Variants in TULP3 observed in about 807,000 individuals in gnomAD.
TULP3 encodes the protein TUB like protein 3, also known as tubby-related protein 3.
In TULP3, 38 loss-of-function variants were observed where a neutral mutation model predicts 50.7. The observed-to-expected ratio is 0.75, with a 90% CI of 0.58 to 0.98. TULP3 has a LOEUF of 0.98. Ranked by LOEUF, TULP3 falls within the 50% of genes least tolerant of loss-of-function variation. The pLI is 0.00. For missense variants in TULP3, 550 were observed against 568.0 expected, an observed-to-expected ratio of 0.97 and a Z score of 0.32; for synonymous variants, 183 against 196.6, an observed-to-expected ratio of 0.93 and a Z score of 0.58.
chr12:2,928,715 G>C (rs2098196071), intron 4 of TULP3, among the ~76,000 whole-genome samples: 1 of 151,874 alleles, frequency 6.6e-6, no homozygotes, highest in South Asian at 2.1e-4. Context: ...GGCCAAGGTG[G>C]GCAGATCACC....
intron 1 of TULP3, among the ~76,000 whole-genome samples, chr12:2,898,838 C>G (rs544163718): frequency 3.5e-5 from 5 of 142,646 alleles, no homozygotes; most frequent in African/African-American, 1.1e-4. Flanking sequence ...CACCACCACA[C>G]CTGGCTAATT....
At chr12:2,904,814 C>T (rs555039845) in intron 1 of TULP3, among the ~76,000 whole-genome samples, 19 of 152,086 alleles carry the variant, frequency 1.2e-4, no homozygotes, top group Admixed American at 9.2e-4. Flanking sequence ...AGAATATTAA[C>T]ACAGGCCGGG....
In TULP3 at chr12:2,939,184, T is replaced by A; in HGVS notation, c.1196-127T>A. 3.8e-6 allele frequency: 4 copies of A among 1,039,750 alleles called. No homozygotes were observed. Among genetic ancestry groups the A allele is most frequent in the Non-Finnish European group, 5.6e-6 (4 of 708,316 alleles). The allele number at this position is 1,039,750 out of a possible 1,614,324, so 64.4% of individuals were successfully genotyped here. On this transcript the variant is annotated intron_variant, in intron 10 of 10. Coordinates refer to ENST00000448120, the MANE Select transcript of TULP3 (RefSeq NM_003324.5). The surrounding 1 kb of genome is among the most constrained non-coding windows in gnomAD (Gnocchi z 4.0). ...AGGTCAAGGCTGCAGTGAGCTGTGGTCATTCCACTAGGCTCCAGCCAGGGC... is the reference window on the plus strand; with the variant it reads ...AGGTCAAGGCTGCAGTGAGCTGTGGACATTCCACTAGGCTCCAGCCAGGGC...
At chr12:2,902,429 A>G (rs1025520943) in intron 1 of TULP3, among the ~76,000 whole-genome samples, 12 of 152,180 alleles carry the variant, frequency 7.9e-5, no homozygotes, top group African/African-American at 2.9e-4. Context: ...CTCCAGTACC[A>G]CAGAAGGAGC....
intron 2 of TULP3, among the ~76,000 whole-genome samples, chr12:2,915,340 T>G (rs2098188003): frequency 6.6e-6 from 1 of 152,140 alleles, no homozygotes; most frequent in South Asian, 2.1e-4. Context: ...TGGATGCATA[T>G]TAGGTAGAGT....
chr12:2,911,416 A>G (rs1264312441), intron 2 of TULP3, among the ~76,000 whole-genome samples: 1 of 151,440 alleles, frequency 6.6e-6, no homozygotes, highest in Non-Finnish European at 1.5e-5. Context: ...GCAGTGGCGC[A>G]ATCTTGCCTC....
intron 1 of TULP3, 28 bp downstream of exon 1, chr12:2,891,016 C>T (rs1213477609): frequency 1.3e-6 from 2 of 1,555,700 alleles, no homozygotes; most frequent in African/African-American, 2.7e-5. Context: ...CAGGTCTCCT[C>T]CTGAGCGAGG....
chr12:2,936,966 C>T lies in TULP3; in HGVS notation c.925-665C>T, dbSNP rs187119293. Among the ~76,000 whole-genome samples, 199 of 151,274 alleles carry T rather than the reference C, an allele frequency of 1.3e-3. 1 individual carries two copies. Among genetic ancestry groups the T allele is most frequent in the African/African-American group, 4.8e-3 (197 of 41,236 alleles). On this transcript the variant is annotated intron_variant, in intron 8 of 10. Transcript: ENST00000448120. ...ACTAAAAATACAAAAAATAATTAGC[C>T]AGGCGTGGTGGCATGCGCCTGTAGT...
chr12:2,908,676 T>G (rs974425352), intron 1 of TULP3, among the ~76,000 whole-genome samples: 29 of 152,150 alleles, frequency 1.9e-4, no homozygotes, highest in African/African-American at 6.8e-4. Flanking sequence ...TGCCTTGACC[T>G]CCCAAAGTGC....
chr12:2,936,781 A>C (rs61916379), intron 8 of TULP3, among the ~76,000 whole-genome samples: 25,263 of 150,830 alleles, frequency 0.17, 2,412 homozygotes, highest in South Asian at 0.26. Flanking sequence ...TAAACTCTCA[A>C]GCCAAGAGAT....
intron 2 of TULP3, among the ~76,000 whole-genome samples, chr12:2,915,780 G>A (rs367818331): frequency 3.9e-5 from 6 of 151,904 alleles, no homozygotes; most frequent in East Asian, 1.9e-4. Flanking sequence ...CTTTGACCTC[G>A]TGATCTGCCC....
chr12:2,936,840 G>C (rs2098201551), intron 8 of TULP3, among the ~76,000 whole-genome samples: 1 of 152,094 alleles, frequency 6.6e-6, no homozygotes, highest in South Asian at 2.1e-4. Context: ...AGGTGCAGTG[G>C]CTCACGCCTG....
At chr12:2,927,240 A>G (rs949051946) in intron 4 of TULP3, among the ~76,000 whole-genome samples, 5 of 152,040 alleles carry the variant, frequency 3.3e-5, no homozygotes, top group African/African-American at 7.2e-5. Context: ...ACTCCATTGT[A>G]TGGATAAACC....
rs767616728 is a variant in TULP3 at position 2,891,020 on chromosome 12, A to G, written c.41+32A>G. The G allele has an allele frequency of 1.7e-5, 27 of 1,544,756 alleles. No individual in the cohort carries two copies. In the South Asian group the frequency reaches 3.1e-4, roughly 18 times the overall value. On this transcript the variant is annotated intron_variant, in intron 1 of 10. Coordinates refer to ENST00000448120, the MANE Select transcript of TULP3 (RefSeq NM_003324.5). ...CAGGGCCGTGGCAGGTCTCCTCCTGAGCGAGGCGGAGGGGCGAAGCGAGAA... is the reference window on the plus strand; with the variant it reads ...CAGGGCCGTGGCAGGTCTCCTCCTGGGCGAGGCGGAGGGGCGAAGCGAGAA...
chr12:2,917,674 G>A (rs1040370358), intron 2 of TULP3, among the ~76,000 whole-genome samples: 6 of 151,990 alleles, frequency 3.9e-5, no homozygotes, highest in Middle Eastern at 6.8e-3. Context: ...TCAGGAGATC[G>A]AGACCATCCT....
At chr12:2,927,154 T>C (rs536616996) in intron 4 of TULP3, among the ~76,000 whole-genome samples, 1 of 152,308 alleles carries the variant, frequency 6.6e-6, no homozygotes, top group East Asian at 1.9e-4. Context: ...TCTAGTGTTT[T>C]ACTTGCATAA....
chr12:2,914,196 C>G (rs2098187333), intron 2 of TULP3, among the ~76,000 whole-genome samples: 1 of 142,968 alleles, frequency 7.0e-6, no homozygotes, highest in South Asian at 2.2e-4. Flanking sequence ...GCAATCTTGG[C>G]TCACTGCAAC....
chr12:2,938,409 T>G (rs1010297092), intron 10 of TULP3, 124 bp downstream of exon 10: 25 of 1,163,664 alleles, frequency 2.1e-5, no homozygotes, highest in Non-Finnish European at 3.0e-5. Flanking sequence ...AGAGACAGGA[T>G]TTCTTTGGAA....
At chr12:2,923,848 C>T (rs943256366) in intron 4 of TULP3, among the ~76,000 whole-genome samples, 7 of 149,810 alleles carry the variant, frequency 4.7e-5, no homozygotes, top group African/African-American at 1.5e-4. Flanking sequence ...GGTGCAGTGG[C>T]GCACACCTGT....
Sources: allele counts gnomAD v4.1 joint callset (sites outside exome capture counted in the v4.1 genomes callset), GRCh38; gene constraint gnomAD v4.1.1; non-coding constraint Gnocchi (gnomAD v3.1); transcripts MANE v1.5; gene names NCBI Gene and HGNC (gene_info 2026-07-23, HGNC 2026-07-21).